DMD: variants seen among roughly 807,000 people sequenced by gnomAD.
The protein encoded by DMD is mutant dystrophin.
In DMD, 63 loss-of-function variants were observed where a neutral mutation model predicts 330.1. The ratio of observed to expected loss-of-function variants is 0.19; its 90% CI spans 0.16 to 0.24. DMD has a LOEUF of 0.24. Ranked by LOEUF, DMD falls within the 10% of genes least tolerant of loss-of-function variation. DMD has a pLI of 1.00. For missense variants in DMD, 3,344 were observed against 2,684.1 expected, an observed-to-expected ratio of 1.25 and a Z score of -5.43; for synonymous variants, 1,223 against 959.8, an observed-to-expected ratio of 1.27 and a Z score of -5.07.
At chrX:32,876,659 A>G (rs1375718795) in intron 2 of DMD, among the ~76,000 whole-genome samples, 1 of 111,818 alleles carries the variant, frequency 8.9e-6, no homozygotes, top group Non-Finnish European at 1.9e-5. Context: ...TTTCCTCACT[A>G]CTTTATGAGC....
At chrX:31,628,915 C>CATATATATATATCTATATATATAT (rs2078988547) in intron 54 of DMD, among the ~76,000 whole-genome samples, 1 of 82,784 alleles carries the variant, frequency 1.2e-5, no homozygotes, top group Non-Finnish European at 2.4e-5. Context: ...TATTTTTGAT[C>CATATATATATATCTATATATATAT]ATATATATAT....
intron 2 of DMD, among the ~76,000 whole-genome samples, chrX:32,935,315 C>T (rs1470033954): frequency 2.7e-5 from 3 of 112,253 alleles, no homozygotes; most frequent in African/African-American, 9.7e-5. Flanking sequence ...TTATTAGACT[C>T]ACTCACACCT....
At chrX:31,165,781 A>G (rs1257612173) in intron 74 of DMD, among the ~76,000 whole-genome samples, 4 of 112,173 alleles carry the variant, frequency 3.6e-5, no homozygotes, top group Non-Finnish European at 5.6e-5. Context: ...GCAGAAGCGA[A>G]ATATTAAAGA....
intron 55 of DMD, among the ~76,000 whole-genome samples, chrX:31,619,226 T>C (rs1195533557): frequency 9.0e-6 from 1 of 111,541 alleles, no homozygotes; most frequent in Non-Finnish European, 1.9e-5. Context: ...ATTTAGTAGT[T>C]ATTTTAACAA....
chrX:31,143,261 G>A (rs2036298349), intron 76 of DMD, among the ~76,000 whole-genome samples: 2 of 110,296 alleles, frequency 1.8e-5, no homozygotes, highest in South Asian at 4.0e-4. Context: ...TCATGGCGGC[G>A]GTTTCCCCCA....
intron 43 of DMD, among the ~76,000 whole-genome samples, chrX:32,272,772 G>A (rs751463308): frequency 1.8e-5 from 2 of 111,938 alleles, no homozygotes; most frequent in South Asian, 7.5e-4. Flanking sequence ...CTAAAAATAA[G>A]CTCTTTTATC....
At chrX:33,103,833 G>A (rs773355923) in intron 1 of DMD, among the ~76,000 whole-genome samples, 1 of 111,582 alleles carries the variant, frequency 9.0e-6, no homozygotes, top group Admixed American at 9.6e-5. Context: ...TATAGAAAAT[G>A]GGATCTCACA....
At chrX:32,388,167 T>C (rs2097972766) in intron 32 of DMD, among the ~76,000 whole-genome samples, 1 of 111,160 alleles carries the variant, frequency 9.0e-6, no homozygotes, top group Admixed American at 9.6e-5. Flanking sequence ...GTTTCCTTTG[T>C]ACTGACGCAG....
At chrX:31,694,132 GGT>G (rs2148827010) in intron 52 of DMD, among the ~76,000 whole-genome samples, 1 of 111,107 alleles carries the variant, frequency 9.0e-6, no homozygotes, top group African/African-American at 3.3e-5. Context: ...TTTTGACAAA[GGT>G]AGCAAGAACA....
chrX:32,107,106 C>A (rs1455348308), intron 44 of DMD, among the ~76,000 whole-genome samples: 1 of 110,641 alleles, frequency 9.0e-6, no homozygotes, highest in South Asian at 3.8e-4. Context: ...ATCTTAGGTA[C>A]CACGTTCCTC....
chrX:33,145,197 A>G (rs2047968579), intron 1 of DMD, among the ~76,000 whole-genome samples: 1 of 112,181 alleles, frequency 8.9e-6, no homozygotes, highest in African/African-American at 3.2e-5. Flanking sequence ...CTATCTTGCT[A>G]ACTATAACCC....
At chrX:32,375,256 T>C (rs1162269607) in intron 34 of DMD, among the ~76,000 whole-genome samples, 6 of 112,024 alleles carry the variant, frequency 5.4e-5, no homozygotes. Context: ...AGAAACATCC[T>C]CTTTAAAAAC....
chrX:32,901,205 T>C (rs1162633313), intron 2 of DMD, among the ~76,000 whole-genome samples: 1 of 111,879 alleles, frequency 8.9e-6, no homozygotes, highest in Admixed American at 9.5e-5. Flanking sequence ...GTGTATATTA[T>C]ACAAATGTGA....
chrX:31,880,319 T>C (rs1206077043), intron 47 of DMD, among the ~76,000 whole-genome samples: 2 of 111,688 alleles, frequency 1.8e-5, no homozygotes, highest in Non-Finnish European at 3.8e-5. Flanking sequence ...TTAAAGCCAC[T>C]AATCAAAATT....
chrX:33,229,144 C>T (rs1391868435), intron 1 of DMD, among the ~76,000 whole-genome samples: 1 of 110,901 alleles, frequency 9.0e-6, no homozygotes, highest in Non-Finnish European at 1.9e-5. Flanking sequence ...AATATTTTCT[C>T]CCATTCTGTA....
chrX:33,101,639 A>G (rs1328185569), intron 1 of DMD, among the ~76,000 whole-genome samples: 1 of 111,979 alleles, frequency 8.9e-6, no homozygotes, highest in African/African-American at 3.2e-5. Flanking sequence ...TCTCAAAAAA[A>G]GAAAAGAAAA....
chrX:32,627,771 A>C (rs1343495591), intron 11 of DMD, among the ~76,000 whole-genome samples: 1 of 111,946 alleles, frequency 8.9e-6, no homozygotes, highest in Non-Finnish European at 1.9e-5. Flanking sequence ...GTGGAATTTT[A>C]TACAGAGATT....
chrX:33,008,739 T>C (rs1357444553), intron 2 of DMD, among the ~76,000 whole-genome samples: 2 of 105,298 alleles, frequency 1.9e-5, no homozygotes, highest in African/African-American at 3.5e-5. Context: ...TAAAAATATA[T>C]ATATACATCA....
chrX:32,771,918 A>C (rs2073652547), intron 7 of DMD, among the ~76,000 whole-genome samples: 1 of 111,991 alleles, frequency 8.9e-6, no homozygotes, highest in Non-Finnish European at 1.9e-5. Flanking sequence ...AAAAGATAAA[A>C]ATACCAATAT....
Sources: gnomAD v4.1 joint callset for allele counts (sites outside exome capture counted in the v4.1 genomes callset) on GRCh38, gnomAD v4.1.1 for gene constraint, MANE v1.5 for transcripts, NCBI Gene and HGNC (gene_info 2026-07-23, HGNC 2026-07-21) for gene names.